RNF43: variants seen among roughly 807,000 people sequenced by gnomAD.
The protein encoded by RNF43 is ring finger protein 43, also known as E3 ubiquitin-protein ligase RNF43.
In RNF43, 37 loss-of-function variants were observed where a neutral mutation model predicts 78.4. The observed-to-expected ratio is 0.47, with a 90% confidence interval of 0.36 to 0.62. The LOEUF (loss-of-function observed/expected upper bound fraction) is 0.62, where lower values mean the gene tolerates loss of function less well. Among genes scored for constraint, RNF43 ranks in the 20% least tolerant of loss-of-function variants. The pLI, the probability that RNF43 is intolerant of heterozygous loss-of-function variation, is 0.00. For missense variants in RNF43, 774 were observed against 1,007.9 expected (o/e 0.77, Z 3.14); for synonymous variants, 347 against 395.0 (o/e 0.88, Z 1.44).
Position 58,358,260 on chromosome 17 carries a change from C to T in RNF43, c.1516G>A (p.Asp506Asn), listed in dbSNP as rs1203539771. Residue 506 changes from aspartate to asparagine, a missense_variant, in exon 9 of 10, where the codon GAC becomes AAC. Coordinates refer to ENST00000407977, the MANE Select transcript of RNF43 (RefSeq NM_017763.6). This position sits in a 1 kb window ranked among gnomAD's most constrained non-coding sequence, Gnocchi z 6.2. ...TTAGGGCTGCAGTACACTAGGGGGTCAAAGTCACTGCTTAGGGAGCTGCAG... is the reference window on the plus strand; with the variant it reads ...TTAGGGCTGCAGTACACTAGGGGGTTAAAGTCACTGCTTAGGGAGCTGCAG... ...TFCSSLSSDFDPLVYCSPKGD... is the reference protein window; with the variant it reads ...TFCSSLSSDFNPLVYCSPKGD... The T allele has an allele frequency of 1.2e-6, 2 of 1,613,996 alleles. No homozygotes were observed. The highest frequency in any genetic ancestry group is 1.7e-5 in the Admixed American group (1 of 60,014).
At chr17:58,370,060 GTTTTT>G (rs56372311) in intron 3 of RNF43, among the ~76,000 whole-genome samples, 1 of 96,238 alleles carries the variant, frequency 1.0e-5, no homozygotes, top group Non-Finnish European at 2.0e-5. Context: ...GAAAATCTGA[GTTTTT>G]TTTTTTTTTT....
At chr17:58,382,276 T>C (rs1279992300) in intron 2 of RNF43, among the ~76,000 whole-genome samples, 2 of 152,194 alleles carry the variant, frequency 1.3e-5, no homozygotes, top group East Asian at 3.8e-4. Flanking sequence ...GACTAGGTCT[T>C]ATTCATCACT....
intron 2 of RNF43, chr17:58,402,654 C>T (rs1165018319): frequency 6.6e-6 from 1 of 152,172 alleles, no homozygotes; most frequent in Non-Finnish European, 1.5e-5. Context: ...AAGATAATTT[C>T]TTAAAGTTAT....
At chr17:58,409,136 C>G (rs1482345240) in intron 2 of RNF43, among the ~76,000 whole-genome samples, 1 of 152,210 alleles carries the variant, frequency 6.6e-6, no homozygotes, top group Non-Finnish European at 1.5e-5. Context: ...ACTCTCCTAT[C>G]TCCTGCAAAC....
Position 58,358,786 on chromosome 17 carries a change from T to G in RNF43, c.990A>C (p.Arg330=), listed in dbSNP as rs1972767283. 2 of 1,551,028 alleles carry G rather than the reference T, an allele frequency of 1.3e-6. No homozygotes were observed. Among genetic ancestry groups the G allele is most frequent in the Non-Finnish European group, 1.7e-6 (2 of 1,146,836 alleles). The change falls in exon 9 of 10, where the codon CGA becomes CGC. Residue 330 remains arginine (R), a synonymous_variant. Coordinates refer to ENST00000407977, the MANE Select transcript of RNF43 (RefSeq NM_017763.6). The surrounding 1 kb of genome is among the most constrained non-coding windows in gnomAD (Gnocchi z 6.2). The part of the protein sequence containing the change: ...DSFSQSLGPS[R]SYQEPGRRLH... ...GTCTTCGACCTGGTTCTTGGTAAGA[T>G]CGAGAGGGTCCCAGGGACTGGGAAA...
At chr17:58,384,208 T>C (rs1215965709) in intron 2 of RNF43, among the ~76,000 whole-genome samples, 1 of 152,250 alleles carries the variant, frequency 6.6e-6, no homozygotes, top group South Asian at 2.1e-4. Context: ...GGCTGATAAA[T>C]GAGAGAGGAA....
chr17:58,385,821 TG>T (rs1973418607), intron 2 of RNF43, among the ~76,000 whole-genome samples: 1 of 152,194 alleles, frequency 6.6e-6, no homozygotes, highest in Admixed American at 6.5e-5. Flanking sequence ...GTTTTAAAAA[TG>T]GAGGCTGGGC....
chr17:58,382,547 T>A (rs898782203), intron 2 of RNF43, among the ~76,000 whole-genome samples: 3 of 152,202 alleles, frequency 2.0e-5, no homozygotes, highest in Non-Finnish European at 4.4e-5. Context: ...CATGCCTAGA[T>A]CTCCTCCACA....
intron 6 of RNF43, among the ~76,000 whole-genome samples, chr17:58,362,257 T>A (rs1046060366): frequency 3.3e-5 from 5 of 152,160 alleles, no homozygotes; most frequent in African/African-American, 1.2e-4. Flanking sequence ...CCCTCTAGAA[T>A]AAAAAAGCTC....
chr17:58,397,456 T>C (rs1973706215), intron 2 of RNF43, among the ~76,000 whole-genome samples: 1 of 151,526 alleles, frequency 6.6e-6, no homozygotes, highest in Admixed American at 6.6e-5. Context: ...AGGTCAGGAG[T>C]TCCAGACCAG....
chr17:58,398,122 C>T (rs1040844806), intron 2 of RNF43, among the ~76,000 whole-genome samples: 1 of 152,174 alleles, frequency 6.6e-6, no homozygotes, highest in East Asian at 1.9e-4. Flanking sequence ...TTAATTTTGC[C>T]TCAGCTTCTT....
At chr17:58,384,703 C>G (rs1430115760) in intron 2 of RNF43, among the ~76,000 whole-genome samples, 2 of 152,074 alleles carry the variant, frequency 1.3e-5, no homozygotes, top group South Asian at 2.1e-4. Context: ...CTTGACAGAC[C>G]ACAGGAAGAA....
chr17:58,388,691 T>C (rs1319147344), intron 2 of RNF43, among the ~76,000 whole-genome samples: 5 of 120,388 alleles, frequency 4.2e-5, no homozygotes, highest in Admixed American at 2.3e-4. Flanking sequence ...CAATAGGTCC[T>C]ACAGGATTTG....
intron 2 of RNF43, among the ~76,000 whole-genome samples, chr17:58,372,999 G>C (rs1277960785): frequency 6.6e-6 from 1 of 152,220 alleles, no homozygotes; most frequent in African/African-American, 2.4e-5. Flanking sequence ...CCACAGATTT[G>C]CACTGGAGAC....
intron 2 of RNF43, among the ~76,000 whole-genome samples, chr17:58,373,150 G>A (rs541069619): frequency 8.5e-5 from 13 of 152,248 alleles, no homozygotes; most frequent in Middle Eastern, 3.4e-3. Flanking sequence ...CTTGCTCCTC[G>A]ACCCTCCCCA....
At chr17:58,385,099 CTCTGAT>C (rs1453142807) in intron 2 of RNF43, among the ~76,000 whole-genome samples, 3 of 152,190 alleles carry the variant, frequency 2.0e-5, no homozygotes, top group Admixed American at 1.3e-4. Context: ...TCTTCCACTT[CTCTGAT>C]TGTCCTCACT....
chr17:58,406,803 T>A (rs948901822), intron 2 of RNF43, among the ~76,000 whole-genome samples: 8 of 151,854 alleles, frequency 5.3e-5, no homozygotes, highest in African/African-American at 1.9e-4. Flanking sequence ...ATAAGGCCTT[T>A]AGTCTCATCT....
At chr17:58,387,182 G>C (rs1161897826) in intron 2 of RNF43, among the ~76,000 whole-genome samples, 1 of 152,200 alleles carries the variant, frequency 6.6e-6, no homozygotes, top group East Asian at 1.9e-4. Flanking sequence ...AATGTTAACA[G>C]AGAAGCTGAG....
chr17:58,393,356 A>T (rs966921079), intron 2 of RNF43, among the ~76,000 whole-genome samples: 1 of 152,208 alleles, frequency 6.6e-6, no homozygotes, highest in Admixed American at 6.5e-5. Context: ...GCACTGAGCC[A>T]AGATGGTGCC....
Sources: allele counts gnomAD v4.1 joint callset (sites outside exome capture counted in the v4.1 genomes callset), GRCh38; gene constraint gnomAD v4.1.1; non-coding constraint Gnocchi (gnomAD v3.1); transcripts MANE v1.5; gene names NCBI Gene and HGNC (gene_info 2026-07-23, HGNC 2026-07-21).